DBNL: variants seen among roughly 807,000 people sequenced by gnomAD.
DBNL encodes drebrin like, also known as drebrin-like protein.
In DBNL, 35 loss-of-function variants were observed where a neutral mutation model predicts 62.2. The ratio of observed to expected loss-of-function variants is 0.56; its 90% confidence interval spans 0.43 to 0.75. The LOEUF (loss-of-function observed/expected upper bound fraction) is 0.75, where lower values mean the gene tolerates loss of function less well. DBNL is among the 30% of genes least tolerant of loss of function. The probability of loss-of-function intolerance (pLI) is 0.00; values close to 1 mark genes in which losing one functional copy is unlikely to be tolerated. For synonymous variants in DBNL, 197 were observed against 218.0 expected (o/e 0.90, Z 0.85); for missense variants, 495 against 578.4 (o/e 0.86, Z 1.48).
chr7:44,068,223 G>A lies in DBNL; in HGVS notation c.*7307G>A. ...TGGGCCCTGGATGCAGTTTCAGGGAGTATGCAGCAGGGTAGGTAGGGAAAG... is the reference window on the plus strand; with the variant it reads ...TGGGCCCTGGATGCAGTTTCAGGGAATATGCAGCAGGGTAGGTAGGGAAAG... On this transcript the variant is annotated 3_prime_UTR_variant, in exon 13 of 13. Transcript: ENST00000448521. 1 of 139,590 alleles carries A rather than the reference G, an allele frequency of 7.2e-6. No individual in the cohort carries two copies. Among genetic ancestry groups the A allele is most frequent in the Non-Finnish European group, 1.5e-5 (1 of 64,902 alleles). The allele number at this position is 139,590 out of a possible 1,614,324, so 8.6% of individuals were successfully genotyped here.
Position 44,060,240 on chromosome 7 carries a change from C to G in DBNL, c.1153+87C>G. 4.1e-6 allele frequency: 5 copies of G among 1,230,700 alleles called. No homozygotes were observed. Among genetic ancestry groups the G allele is most frequent in the Non-Finnish European group, 5.8e-6 (5 of 863,680 alleles). 76.2% of individuals were successfully genotyped at this position (1,230,700 alleles called of 1,614,324 possible). A position where few individuals can be genotyped will look rare whatever the true frequency, so the allele number is the denominator to read the frequency against. ...TCTGGGGTTTTATGGGAAGATGGCA[C>G]CAGGGGGTATCAGGAAGAGAAGACA... On this transcript the variant is annotated intron_variant, in intron 12 of 12. Coordinates refer to ENST00000448521, the MANE Select transcript of DBNL (RefSeq NM_001014436.3). This position sits in a 1 kb window ranked among gnomAD's most constrained non-coding sequence, Gnocchi z 6.3.
At position 44,064,514 on chromosome 7, in the gene DBNL, A is replaced by T. The variant is rs2096155263; in HGVS notation, c.*3598A>T. ...GGCCCCACAGTAAGTTGGGATTTGG[A>T]GCCAGATGCTCTAAGCCCAGCCCTT... is the stretch of plus-strand genomic sequence containing the variant. On this transcript the variant is annotated 3_prime_UTR_variant, in exon 13 of 13. Coordinates refer to ENST00000448521, the MANE Select transcript of DBNL (RefSeq NM_001014436.3). 1 of 408,494 alleles carries T rather than the reference A, an allele frequency of 2.4e-6. No individual in the cohort carries two copies. Among genetic ancestry groups the T allele is most frequent in the Admixed American group, 3.7e-5 (1 of 27,056 alleles). 25.3% of individuals were successfully genotyped at this position (408,494 alleles called of 1,614,324 possible). A position where few individuals can be genotyped will look rare whatever the true frequency, so the allele number is the denominator to read the frequency against.
Position 44,064,802 on chromosome 7 carries a change from C to G in DBNL, c.*3886C>G. ...GCCAGCTGGGGCTGCTGCCCACCCA[C>G]CCTGCCCAGGCTCCTGAAGGTGGCC... On this transcript the variant is annotated 3_prime_UTR_variant, in exon 13 of 13. Coordinates refer to ENST00000448521, the MANE Select transcript of DBNL (RefSeq NM_001014436.3). The G allele has an allele frequency of 2.9e-6, 4 of 1,373,146 alleles. No homozygotes were observed. The highest frequency in any genetic ancestry group is 3.0e-6 in the Non-Finnish European group (3 of 985,388). 85.1% of individuals were successfully genotyped at this position (1,373,146 alleles called of 1,614,324 possible).
In DBNL at chr7:44,058,357, G is replaced by A. The variant is rs185229721; in HGVS notation, c.705-75G>A. The A allele has an allele frequency of 3.4e-4, 548 of 1,609,854 alleles. No homozygotes were observed. In the African/African-American group the frequency reaches 5.9e-3, roughly 17 times the overall value. On this transcript the variant is annotated intron_variant, in intron 7 of 12. Coordinates refer to ENST00000448521, the MANE Select transcript of DBNL (RefSeq NM_001014436.3). ...GGCACCTGCTCCATCCCATGGAGGC[G>A]AGGAGGACTAAGGGGTGTGGCATGA...
At chr7:44,053,908 C>T (rs978205831) in intron 4 of DBNL, among the ~76,000 whole-genome samples, 1 of 151,996 alleles carries the variant, frequency 6.6e-6, no homozygotes, top group African/African-American at 2.4e-5. Context: ...GATCTCCTGA[C>T]CTCGTGATTT....
At chr7:44,051,473 G>A (rs1034937484) in intron 2 of DBNL, 4 of 193,192 alleles carry the variant, frequency 2.1e-5, no homozygotes, top group African/African-American at 4.7e-5. Flanking sequence ...AAATTTTGAC[G>A]TAGCCATCCT....
At chr7:44,052,802 G>T in intron 3 of DBNL, 65 bp from the exon 4 acceptor site, 1 of 1,587,332 alleles carries the variant, frequency 6.3e-7, no homozygotes, top group Admixed American at 1.7e-5. Context: ...TAGATGTTGG[G>T]TCCCCAGGGA....
At position 44,062,475 on chromosome 7, in the gene DBNL, C is replaced by A; in HGVS notation, c.*1559C>A. On this transcript the variant is annotated 3_prime_UTR_variant, in exon 13 of 13. Transcript: ENST00000448521. The stretch of plus-strand genomic sequence containing the variant: ...CCTCTTCTAACTGGCCCCAAGCACG[C>A]CAATTCTGGAGCATGGTTACTAAGT... 2.2e-6 allele frequency: 1 copy of A among 457,060 alleles called. No individual in the cohort carries two copies. Among genetic ancestry groups the A allele is most frequent in the South Asian group, 2.1e-5 (1 of 47,182 alleles). 28.3% of individuals were successfully genotyped at this position (457,060 alleles called of 1,614,324 possible).
Position 44,065,732 on chromosome 7 carries a change from A to G in DBNL, c.*4816A>G, listed in dbSNP as rs550338707. 1.5e-5 allele frequency: 9 copies of G among 617,784 alleles called. No homozygotes were observed. Among genetic ancestry groups the G allele is most frequent in the African/African-American group, 1.3e-4 (7 of 54,730 alleles). The allele number at this position is 617,784 out of a possible 1,614,324, so 38.3% of individuals were successfully genotyped here. A position where few individuals can be genotyped will look rare whatever the true frequency, so the allele number is the denominator to read the frequency against. On this transcript the variant is annotated 3_prime_UTR_variant, in exon 13 of 13. Coordinates refer to ENST00000448521, the MANE Select transcript of DBNL (RefSeq NM_001014436.3). ...CAGGCCAAGAGGCTGTGCTTAAAAT[A>G]GCCCCACGCATCCACCAGCTCCTGG...
intron 4 of DBNL, among the ~76,000 whole-genome samples, chr7:44,055,335 G>A (rs2096134318): frequency 6.6e-6 from 1 of 152,178 alleles, no homozygotes; most frequent in Non-Finnish European, 1.5e-5. Flanking sequence ...AGGTGTGGTG[G>A]CGGGCACCTG....
intron 5 of DBNL, among the ~76,000 whole-genome samples, chr7:44,057,140 G>A (rs1429347050): frequency 6.6e-6 from 1 of 152,268 alleles, no homozygotes; most frequent in Non-Finnish European, 1.5e-5. Context: ...CCCAGCCTGT[G>A]TGGTCAGAGT....
rs2096145374 is a variant in DBNL at position 44,060,010 on chromosome 7, GCT to G, written c.1048-37_1048-36del. 1 of 1,593,212 alleles carries G rather than the reference GCT, an allele frequency of 6.3e-7. No homozygotes were observed. Among genetic ancestry groups the G allele is most frequent in the Admixed American group, 1.7e-5 (1 of 59,170 alleles). ...GGCAGAGCAGCGATTGTGTGTAAGG[GCT>G]GAGTCTGGGGTAACACCTTTGTCAT... On this transcript the variant is annotated intron_variant, in intron 11 of 12. Transcript: ENST00000448521. This position sits in a 1 kb window ranked among gnomAD's most constrained non-coding sequence, Gnocchi z 6.3.
chr7:44,059,949 C>T lies in DBNL; in HGVS notation c.1048-99C>T. 4.1e-6 allele frequency: 5 copies of T among 1,232,470 alleles called. No individual in the cohort carries two copies. The South Asian group carries it at 6.8e-5, about 17-fold the overall frequency. The allele number at this position is 1,232,470 out of a possible 1,614,324, so 76.3% of individuals were successfully genotyped here. A position where few individuals can be genotyped will look rare whatever the true frequency, so the allele number is the denominator to read the frequency against. On this transcript the variant is annotated intron_variant, in intron 11 of 12. Coordinates refer to ENST00000448521, the MANE Select transcript of DBNL (RefSeq NM_001014436.3). This position sits in a 1 kb window ranked among gnomAD's most constrained non-coding sequence, Gnocchi z 4.1. ...GCCCCCGAGCCTGTAGACTGCTTGC[C>T]CTCTGCGTACTCCCAGCTTGACCTG...
Position 44,064,907 on chromosome 7 carries a change from G to A in DBNL, c.*3991G>A. 1 of 1,611,252 alleles carries A rather than the reference G, an allele frequency of 6.2e-7. No individual in the cohort carries two copies. ...AGCACTCGCTTGCCGGCCTTGATCT[G>A]GGGAACAATCTCCTCGTTCCAGAAG... On this transcript the variant is annotated 3_prime_UTR_variant, in exon 13 of 13. Coordinates refer to ENST00000448521, the MANE Select transcript of DBNL (RefSeq NM_001014436.3).
Position 44,060,827 on chromosome 7 carries a change from G to A in DBNL, c.1204G>A (p.Glu402Lys), listed in dbSNP as rs772078637. The part of the protein sequence containing the change: ...FDPENLITGI[E>K]VIDEGWWRGY... ...CCCCGAGAACCTCATCACGGGCATC[G>A]AGGTGATCGACGAAGGCTGGTGGCG... Residue 402 changes from glutamate to lysine, a missense_variant, in exon 13 of 13, where the codon GAG becomes AAG. Glu to Lys is a moderately conservative substitution (Grantham distance 56). Transcript: ENST00000448521. This position sits in a 1 kb window ranked among gnomAD's most constrained non-coding sequence, Gnocchi z 6.3. The A allele has an allele frequency of 4.3e-6, 7 of 1,613,942 alleles. No individual in the cohort carries two copies. Among genetic ancestry groups the A allele is most frequent in the East Asian group, 2.2e-5 (1 of 44,890 alleles).
chr7:44,058,254 G>A lies in DBNL; in HGVS notation c.678G>A (p.Glu226=). The A allele has an allele frequency of 6.3e-7, 1 of 1,577,124 alleles. No individual in the cohort carries two copies. Among genetic ancestry groups the A allele is most frequent in the Non-Finnish European group, 8.6e-7 (1 of 1,162,370 alleles). ...CACGCCGGGAGCAGCGCTATCAGGA[G>A]CAGGGTGGCGAGGCCAGCCCCCAGA... ...EAARREQRYQ[E]QGGEASPQRT... is the part of the protein sequence containing the mutation. The change falls in exon 7 of 13, where the codon GAG becomes GAA. Residue 226 remains glutamate, a synonymous_variant. Coordinates refer to ENST00000448521, the MANE Select transcript of DBNL (RefSeq NM_001014436.3).
chr7:44,050,332 G>C, intron 2 of DBNL, 52 bp downstream of exon 2: 1 of 1,596,076 alleles, frequency 6.3e-7, no homozygotes. Context: ...GGAGGGTGAC[G>C]ACGAGGGGTC....
At position 44,063,263 on chromosome 7, in the gene DBNL, G is replaced by GGTT; in HGVS notation, c.*2347_*2348insGTT. The GGTT allele has an allele frequency of 2.9e-6, 1 of 344,212 alleles. No individual in the cohort carries two copies. The allele number at this position is 344,212 out of a possible 1,614,324, so 21.3% of individuals were successfully genotyped here. On this transcript the variant is annotated 3_prime_UTR_variant, in exon 13 of 13. Coordinates refer to ENST00000448521, the MANE Select transcript of DBNL (RefSeq NM_001014436.3). ...GGTCAGGAAGGGACACTCACCCTTT[G>GGTT]TTTTTTTTTTTTCTTTTCTTTTTCT...
rs1344114791 is a variant in DBNL, at chr7:44,051,923, A to C, written c.233A>C (p.Lys78Thr). The C allele has an allele frequency of 4.3e-6, 7 of 1,614,018 alleles. No homozygotes were observed. Among genetic ancestry groups the C allele is most frequent in the Non-Finnish European group, 5.9e-6 (7 of 1,180,012 alleles). Residue 78 changes from lysine (K) to threonine (T), a missense_variant, in exon 3 of 13, where the codon AAA becomes ACA. By Grantham distance (78) the Lys-to-Thr change is moderately conservative. Coordinates refer to ENST00000448521, the MANE Select transcript of DBNL (RefSeq NM_001014436.3). ...AAGGACCCCAACTCTGGACTGCCCAAATTTGTCCTCATCAACTGGGTATGT... is the reference window on the plus strand; with the variant it reads ...AAGGACCCCAACTCTGGACTGCCCACATTTGTCCTCATCAACTGGGTATGT... Reference protein sequence around the residue: ...RVKDPNSGLPKFVLINWTGEG... With the variant: ...RVKDPNSGLPTFVLINWTGEG...
Sources: gnomAD v4.1 joint callset for allele counts (sites outside exome capture counted in the v4.1 genomes callset) on GRCh38, gnomAD v4.1.1 for gene constraint, Gnocchi (gnomAD v3.1) non-coding constraint, MANE v1.5 for transcripts, NCBI Gene and HGNC (gene_info 2026-07-23, HGNC 2026-07-21) for gene names.